SPIRE2: variants seen among roughly 807,000 people sequenced by gnomAD.
SPIRE2 encodes spire type actin nucleation factor 2.
A neutral mutation model predicts 80.7 loss-of-function variants in SPIRE2; 76 were observed. The observed-to-expected ratio is 0.94, with a 90% CI of 0.78 to 1.14. The LOEUF is 1.14. Among genes scored for constraint, SPIRE2 ranks in the 50% most tolerant of loss-of-function variants. SPIRE2 has a pLI of 0.00. For missense variants in SPIRE2, 1,196 were observed against 1,015.3 expected, an observed-to-expected ratio of 1.18 and a Z score of -2.42; for synonymous variants, 535 against 432.6, an observed-to-expected ratio of 1.24 and a Z score of -2.94.
At position 89,844,027 on chromosome 16, in the gene SPIRE2, ACT is replaced by A. The variant is rs372628308; in HGVS notation, c.245-1292_245-1291del. Among the ~76,000 whole-genome samples, 190 of 142,778 alleles carry A rather than the reference ACT, an allele frequency of 1.3e-3. 1 individual carries two copies. In the East Asian group the frequency reaches 0.031, roughly 24 times the overall value. 93.7% of individuals were successfully genotyped at this position (142,778 alleles called of 152,430 possible). A position where few individuals can be genotyped will look rare whatever the true frequency, so the allele number is the denominator to read the frequency against. ...TTTTTTTTTTTTGAGACAGGGTCTC[ACT>A]CTGTCGCCCAGGCTGGTGTGCACTG... is the stretch of plus-strand genomic sequence containing the variant. On this transcript the variant is annotated intron_variant, in intron 1 of 14. Transcript: ENST00000378247.
Position 89,859,146 on chromosome 16 carries a change from G to A in SPIRE2, c.1273-19G>A, listed in dbSNP as rs533717481. 6.2e-5 allele frequency: 95 copies of A among 1,528,580 alleles called. No homozygotes were observed. Among genetic ancestry groups the A allele is most frequent in the South Asian group, 9.8e-5 (8 of 81,730 alleles). The allele number at this position is 1,528,580 out of a possible 1,614,324, so 94.7% of individuals were successfully genotyped here. The stretch of plus-strand genomic sequence containing the variant: ...TGGCGGGCATTGTCAGGGCAGGGCC[G>A]CGTCTGGTGTGTCCACAGGAAGAAG... On this transcript the variant is annotated intron_variant, in intron 8 of 14. Transcript: ENST00000378247.
intron 2 of SPIRE2, 21 bp downstream of exon 2, chr16:89,845,386 A>G (rs764609108): frequency 6.2e-6 from 10 of 1,602,982 alleles, no homozygotes; most frequent in Non-Finnish European, 8.5e-6. Context: ...AAAAATTCCA[A>G]GTATTACTTG....
At position 89,859,371 on chromosome 16, in the gene SPIRE2, A is replaced by G. The variant is rs368177630; in HGVS notation, c.1462+17A>G. On this transcript the variant is annotated intron_variant, in intron 9 of 14. Coordinates refer to ENST00000378247, the MANE Select transcript of SPIRE2 (RefSeq NM_032451.2). Reference sequence around the variant, plus strand: ...GAGACCAGGGCAAGTGCTGCTTCTCACCCCCGTACCCTCCTTCGCCCCCAC... The same window carrying G: ...GAGACCAGGGCAAGTGCTGCTTCTCGCCCCCGTACCCTCCTTCGCCCCCAC... 6.9e-7 allele frequency: 1 copy of G among 1,456,718 alleles called. No individual in the cohort carries two copies. Among genetic ancestry groups the G allele is most frequent in the Non-Finnish European group, 9.1e-7 (1 of 1,102,560 alleles). 90.2% of individuals were successfully genotyped at this position (1,456,718 alleles called of 1,614,324 possible).
Position 89,865,549 on chromosome 16 carries a change from A to C in SPIRE2, c.1778+1688A>C, listed in dbSNP as rs993435592. 1.1e-4 allele frequency among the ~76,000 whole-genome samples: 17 copies of C among 152,322 alleles called. No homozygotes were observed. The South Asian group carries it at 1.2e-3, about 11-fold the overall frequency. On this transcript the variant is annotated intron_variant, in intron 12 of 14. Coordinates refer to ENST00000378247, the MANE Select transcript of SPIRE2 (RefSeq NM_032451.2). ...AAAAGGTAGGAAAAGAAGGAGAACA[A>C]ACAAATGAGTCAAAAACAAAACAAA...
chr16:89,842,084 C>T (rs1014894788), intron 1 of SPIRE2, among the ~76,000 whole-genome samples: 1 of 151,950 alleles, frequency 6.6e-6, no homozygotes, highest in South Asian at 2.1e-4. Context: ...ACATCCTGGG[C>T]TCGGGCTCTG....
intron 1 of SPIRE2, chr16:89,836,525 C>T (rs1024666717): frequency 3.7e-6 from 1 of 273,904 alleles, no homozygotes; most frequent in African/African-American, 2.2e-5. Flanking sequence ...CCCCTAAATA[C>T]TTCAGCCTGT....
chr16:89,833,719 G>T (rs771850350), intron 1 of SPIRE2, among the ~76,000 whole-genome samples: 1 of 152,222 alleles, frequency 6.6e-6, no homozygotes, highest in Non-Finnish European at 1.5e-5. Context: ...CAAGGGATCT[G>T]CACCTGTGCA....
At chr16:89,866,060 G>A (rs931421573) in intron 12 of SPIRE2, among the ~76,000 whole-genome samples, 19 of 151,638 alleles carry the variant, frequency 1.3e-4, no homozygotes, top group Non-Finnish European at 2.5e-4. Context: ...GAGGTGGGAG[G>A]ATCACTTGAG....
At chr16:89,860,945 T>TC (rs3840852) in intron 10 of SPIRE2, 150 bp downstream of exon 10, 225,452 of 558,964 alleles carry the variant, frequency 0.4, 50,272 homozygotes, top group East Asian at 0.86. Flanking sequence ...GGTCTGAACA[T>TC]GGGGCACCAG....
intron 3 of SPIRE2, among the ~76,000 whole-genome samples, chr16:89,851,114 C>A (rs954417442): frequency 6.6e-6 from 1 of 152,204 alleles, no homozygotes; most frequent in African/African-American, 2.4e-5. Flanking sequence ...AGCCACCACG[C>A]CTGGCCTCAC....
At chr16:89,868,159 T>G in intron 12 of SPIRE2, 30 bp from the exon 13 acceptor site, 1 of 1,614,046 alleles carries the variant, frequency 6.2e-7, no homozygotes, top group Non-Finnish European at 8.5e-7. Context: ...TCCTCCCTGC[T>G]GATGCTGCAT....
At chr16:89,850,815 C>A (rs892971054) in intron 3 of SPIRE2, among the ~76,000 whole-genome samples, 155 bp downstream of exon 3, 2 of 151,640 alleles carry the variant, frequency 1.3e-5, no homozygotes, top group East Asian at 4.0e-4. Flanking sequence ...TTAATCCTCA[C>A]GCTTTCTTGT....
At chr16:89,851,468 G>T (rs2041627160) in intron 3 of SPIRE2, among the ~76,000 whole-genome samples, 1 of 152,164 alleles carries the variant, frequency 6.6e-6, no homozygotes, top group Non-Finnish European at 1.5e-5. Flanking sequence ...ACAGGTGGAG[G>T]GGTCACTTGA....
Position 89,854,562 on chromosome 16 carries a change from A to G in SPIRE2, c.802A>G (p.Asn268Asp), listed in dbSNP as rs770239380. The change falls in exon 5 of 15, where the codon AAC (asparagine) becomes GAC (aspartate). Residue 268 changes from asparagine (N) to aspartate (D), a missense_variant. By Grantham distance (23) the Asn-to-Asp change is conservative (BLOSUM62 1). Transcript: ENST00000378247. The stretch of plus-strand genomic sequence containing the variant: ...GAAGAAGGTGCAAGAGCAGGAGTTC[A>G]ACCCCCTCCCCACCGAGTTCCAGCT... ...KLKKVQEQEF[N>D]PLPTEFQLTP... 3.1e-6 allele frequency: 5 copies of G among 1,612,454 alleles called. No homozygotes were observed. The highest frequency in any genetic ancestry group is 4.2e-6 in the Non-Finnish European group (5 of 1,179,836).
intron 1 of SPIRE2, among the ~76,000 whole-genome samples, chr16:89,833,247 C>T (rs562412781): frequency 3.8e-4 from 58 of 152,120 alleles, no homozygotes; most frequent in African/African-American, 1.2e-3. Flanking sequence ...CCTTGGCCTC[C>T]GAAAGTGCTG....
In SPIRE2 at chr16:89,870,351, C is replaced by G; in HGVS notation, c.*79C>G. On this transcript the variant is annotated 3_prime_UTR_variant, in exon 15 of 15. Transcript: ENST00000378247. ...TAGGACGCTCTGAGCTGTGCATGTA[C>G]ATATATACATATATAGATACATTTA... 1.4e-6 allele frequency: 1 copy of G among 714,600 alleles called. No individual in the cohort carries two copies. The highest frequency in any genetic ancestry group is 2.4e-6 in the Non-Finnish European group (1 of 418,484). The allele number at this position is 714,600 out of a possible 1,614,324, so 44.3% of individuals were successfully genotyped here. A position where few individuals can be genotyped will look rare whatever the true frequency, so the allele number is the denominator to read the frequency against.
At chr16:89,840,909 T>G (rs901818981) in intron 1 of SPIRE2, among the ~76,000 whole-genome samples, 2 of 151,714 alleles carry the variant, frequency 1.3e-5, no homozygotes, top group African/African-American at 4.8e-5. Context: ...AGTGCTGGGA[T>G]TACAGGCGTG....
intron 7 of SPIRE2, among the ~76,000 whole-genome samples, chr16:89,856,718 C>T (rs7188552): frequency 0.045 from 6,873 of 151,248 alleles, 556 homozygotes; most frequent in African/African-American, 0.16. Flanking sequence ...CCTTGGCCTC[C>T]CAAAATGCTG....
intron 1 of SPIRE2, among the ~76,000 whole-genome samples, chr16:89,833,508 G>A (rs895520631): frequency 6.6e-6 from 1 of 152,242 alleles, no homozygotes; most frequent in Non-Finnish European, 1.5e-5. Flanking sequence ...GGTGGTATCA[G>A]GGGCAGGTTC....
Sources: gnomAD v4.1 joint callset for allele counts (sites outside exome capture counted in the v4.1 genomes callset) on GRCh38, gnomAD v4.1.1 for gene constraint, MANE v1.5 for transcripts, NCBI Gene and HGNC (gene_info 2026-07-23, HGNC 2026-07-21) for gene names.